The following CTSS variants were observed in gnomAD, a reference collection of about 807,000 sequenced individuals.
CTSS encodes the protein cathepsin S.
In CTSS, 15 loss-of-function variants were observed where a neutral mutation model predicts 39.9. That is an observed-to-expected ratio of 0.38 (90% CI 0.25 to 0.58). The LOEUF is 0.58. CTSS is among the 20% of genes least tolerant of loss of function. CTSS has a pLI of 0.70. For missense variants in CTSS, 250 were observed against 398.2 expected (o/e 0.63, Z 3.17); for synonymous variants, 126 against 138.2 (o/e 0.91, Z 0.62).
In CTSS at chr1:150,731,440, T is replaced by C. The variant is rs1436946920; in HGVS notation, c.*1606A>G. ...TCAACTAAATACTTTTAAACTATAATATTCTATACACTTTTGATGATAGCC... is the reference window on the plus strand; with the variant it reads ...TCAACTAAATACTTTTAAACTATAACATTCTATACACTTTTGATGATAGCC... On this transcript the variant is annotated 3_prime_UTR_variant, in exon 8 of 8. Transcript: ENST00000368985. 1 of 152,220 alleles carries C rather than the reference T, an allele frequency of 6.6e-6. No homozygotes were observed. The highest frequency in any genetic ancestry group is 1.5e-5 in the Non-Finnish European group (1 of 68,036). 9.4% of individuals were successfully genotyped at this position (152,220 alleles called of 1,614,324 possible).
chr1:150,737,552 C>T (rs587740058), intron 7 of CTSS, among the ~76,000 whole-genome samples: 3 of 152,252 alleles, frequency 2.0e-5, no homozygotes, highest in Non-Finnish European at 4.4e-5. Flanking sequence ...GATCACCCTA[C>T]CTTCTCCTTG....
intron 4 of CTSS, among the ~76,000 whole-genome samples, chr1:150,754,063 A>G (rs1653061871): frequency 6.6e-6 from 1 of 151,828 alleles, no homozygotes; most frequent in Non-Finnish European, 1.5e-5. Flanking sequence ...CAAGTTCCTT[A>G]TATAAATTAC....
chr1:150,751,336 C>T (rs1208623322), intron 5 of CTSS, among the ~76,000 whole-genome samples: 1 of 152,108 alleles, frequency 6.6e-6, no homozygotes, highest in Non-Finnish European at 1.5e-5. Flanking sequence ...GCACCTCCAC[C>T]TCCTGAGTTC....
Position 150,751,763 on chromosome 1 carries a change from A to G in CTSS, c.627+18T>C, listed in dbSNP as rs372315946. ...CATGAGATCATGGGGCAGCACAAAA[A>G]GTTTGCTTAAGACGCACCATGGCTT... On this transcript the variant is annotated intron_variant, in intron 5 of 7. Coordinates refer to ENST00000368985, the MANE Select transcript of CTSS (RefSeq NM_004079.5). 10 of 1,611,114 alleles carry G rather than the reference A, an allele frequency of 6.2e-6. No homozygotes were observed. In the African/African-American group the frequency reaches 1.2e-4, roughly 19 times the overall value.
intron 7 of CTSS, among the ~76,000 whole-genome samples, chr1:150,743,586 T>TA (rs1652816840): frequency 8.4e-6 from 1 of 119,754 alleles, no homozygotes; most frequent in African/African-American, 2.9e-5. Flanking sequence ...ATATTATATA[T>TA]GTATATTATG....
At chr1:150,755,577 T>G (rs1653106898) in intron 3 of CTSS, among the ~76,000 whole-genome samples, 1 of 151,610 alleles carries the variant, frequency 6.6e-6, no homozygotes, top group South Asian at 2.1e-4. Flanking sequence ...CCATCTCTAC[T>G]AAAAATACAA....
At chr1:150,765,159 C>A (rs1437821655) in intron 1 of CTSS, among the ~76,000 whole-genome samples, 5 of 151,808 alleles carry the variant, frequency 3.3e-5, no homozygotes, top group Admixed American at 2.0e-4. Context: ...CAGTTTATCT[C>A]CTGAATTTTT....
intron 7 of CTSS, among the ~76,000 whole-genome samples, chr1:150,742,196 G>T (rs892246517): frequency 2.0e-5 from 3 of 151,782 alleles, no homozygotes; most frequent in African/African-American, 7.3e-5. Context: ...GGCAGAGGTT[G>T]CGGTGAGCTG....
In CTSS at chr1:150,754,998, C is replaced by T; in HGVS notation, c.399+3G>A. 1 of 1,612,898 alleles carries T rather than the reference C, an allele frequency of 6.2e-7. No individual in the cohort carries two copies. The highest frequency in any genetic ancestry group is 1.1e-5 in the South Asian group (1 of 90,800). On this transcript the variant is annotated splice_donor_region_variant and intron_variant, in intron 4 of 7. Coordinates refer to ENST00000368985, the MANE Select transcript of CTSS (RefSeq NM_004079.5). ...TTCAGAGGCTTGGGATGGTAATACT[C>T]ACTTGATATTTCACTTCAGTAACAC...
chr1:150,747,748 C>T (rs1453585185), intron 7 of CTSS, 29 bp downstream of exon 7: 3 of 1,444,994 alleles, frequency 2.1e-6, no homozygotes, highest in African/African-American at 2.8e-5. Context: ...TTCCTGATTC[C>T]AATTAAATAT....
chr1:150,758,161 T>G (rs587722197), intron 2 of CTSS, among the ~76,000 whole-genome samples, 181 bp from the exon 3 acceptor site: 2 of 152,232 alleles, frequency 1.3e-5, no homozygotes, highest in East Asian at 3.9e-4. Context: ...GTGATTCTCC[T>G]GCTTCAACCT....
At chr1:150,745,102 G>A (rs1652867959) in intron 7 of CTSS, among the ~76,000 whole-genome samples, 3 of 152,036 alleles carry the variant, frequency 2.0e-5, no homozygotes, top group Admixed American at 2.0e-4. Context: ...TGGGCCATAC[G>A]AATATCATCA....
intron 7 of CTSS, among the ~76,000 whole-genome samples, chr1:150,741,232 A>C (rs944139309): frequency 4.0e-5 from 6 of 151,552 alleles, no homozygotes; most frequent in Admixed American, 3.9e-4. Context: ...TCCTGGCCTC[A>C]AGTGATCCTC....
intron 7 of CTSS, among the ~76,000 whole-genome samples, chr1:150,735,993 T>C (rs1201385750): frequency 6.6e-6 from 1 of 151,908 alleles, no homozygotes; most frequent in Non-Finnish European, 1.5e-5. Context: ...CTCCTGACCT[T>C]GTGATCTGCC....
chr1:150,732,910 C>T lies in CTSS; in HGVS notation c.*136G>A. Reference sequence around the variant, plus strand: ...AGGCGTGAGCCACCGTGCCCGGCCTCAAACTATATTTTCTAATTAGTACAG... The same window carrying T: ...AGGCGTGAGCCACCGTGCCCGGCCTTAAACTATATTTTCTAATTAGTACAG... On this transcript the variant is annotated 3_prime_UTR_variant, in exon 8 of 8. Transcript: ENST00000368985. 1 of 661,622 alleles carries T rather than the reference C, an allele frequency of 1.5e-6. No individual in the cohort carries two copies. Among genetic ancestry groups the T allele is most frequent in the South Asian group, 2.2e-5 (1 of 46,320 alleles). 41.0% of individuals were successfully genotyped at this position (661,622 alleles called of 1,614,324 possible).
chr1:150,740,201 T>G (rs1159248292), intron 7 of CTSS, among the ~76,000 whole-genome samples: 2 of 152,166 alleles, frequency 1.3e-5, no homozygotes, highest in Non-Finnish European at 2.9e-5. Context: ...CACAAATAGC[T>G]ATAACACAAG....
chr1:150,734,439 G>A (rs1364250874), intron 7 of CTSS, among the ~76,000 whole-genome samples: 1 of 151,842 alleles, frequency 6.6e-6, no homozygotes, highest in African/African-American at 2.4e-5. Flanking sequence ...TCAGGAGTTC[G>A]AGACCAGCCT....
rs587716014 is a variant in CTSS, at chr1:150,751,938, C to A, written c.470G>T (p.Gly157Val). The change falls in exon 5 of 8, where the codon GGA becomes GTA. Residue 157 changes from glycine (G) to valine (V), a missense_variant. Physicochemically the swap from Gly to Val is moderately radical, Grantham distance 109. Transcript: ENST00000368985. ...ALEAQLKLKT[G>V]KLVSLSAQNL... Reference sequence around the variant, plus strand: ...CTGGGCACTGAGAGACACCAGCTTTCCTGTTTTCAGCTTCAGCTGTGCTTC... The same window carrying A: ...CTGGGCACTGAGAGACACCAGCTTTACTGTTTTCAGCTTCAGCTGTGCTTC... 1 of 1,614,208 alleles carries A rather than the reference C, an allele frequency of 6.2e-7. No homozygotes were observed. The highest frequency in any genetic ancestry group is 1.1e-5 in the South Asian group (1 of 91,092).
In CTSS at chr1:150,750,132, T is replaced by C. The variant is rs1201624373; in HGVS notation, c.667A>G (p.Thr223Ala). ...CQYDSKYRAA[T>A]CSKYTELPYG... ...GGAAGTTCAGTGTACTTTGAACATG[T>C]GGCAGCACGATATTTTGAGTCATAT... Residue 223 changes from threonine (T) to alanine (A), a missense_variant, in exon 6 of 8, where the codon ACA (threonine) becomes GCA (alanine). Transcript: ENST00000368985. 3 of 1,613,314 alleles carry C rather than the reference T, an allele frequency of 1.9e-6. No homozygotes were observed. The highest frequency in any genetic ancestry group is 1.1e-5 in the South Asian group (1 of 91,064).
Sources: allele counts gnomAD v4.1 joint callset (sites outside exome capture counted in the v4.1 genomes callset), GRCh38; gene constraint gnomAD v4.1.1; transcripts MANE v1.5; gene names NCBI Gene and HGNC (gene_info 2026-07-23, HGNC 2026-07-21).